Variants in CFAP299 observed in about 807,000 individuals in gnomAD.
CFAP299 encodes cilia- and flagella-associated protein 299.
Under a neutral mutation model 27.0 loss-of-function variants are expected in CFAP299, and 21 were observed. That is an observed-to-expected ratio of 0.78 (90% CI 0.55 to 1.12). The LOEUF (loss-of-function observed/expected upper bound fraction) is 1.12, where lower values mean the gene tolerates loss of function less well. CFAP299 is among the 50% of genes most tolerant of loss of function. The probability of loss-of-function intolerance (pLI) is 0.00; values close to 1 mark genes in which losing one functional copy is unlikely to be tolerated. For synonymous variants in CFAP299, 104 were observed against 98.1 expected, an observed-to-expected ratio of 1.06 and a Z score of -0.36; for missense variants, 310 against 276.6, an observed-to-expected ratio of 1.12 and a Z score of -0.86.
chr4:80,960,522 G>A (rs1460675429), intron 5 of CFAP299, among the ~76,000 whole-genome samples: 1 of 151,746 alleles, frequency 6.6e-6, no homozygotes, highest in Non-Finnish European at 1.5e-5. Context: ...TTGTACAGAG[G>A]TTCTGAGACT....
chr4:80,383,944 G>A (rs1276743845), intron 2 of CFAP299, among the ~76,000 whole-genome samples: 1 of 151,812 alleles, frequency 6.6e-6, no homozygotes, highest in African/African-American at 2.4e-5. Flanking sequence ...ATGTCCACTT[G>A]CTTGGCCTCT....
intron 2 of CFAP299, among the ~76,000 whole-genome samples, chr4:80,460,043 A>G (rs1303263803): frequency 1.3e-5 from 2 of 152,336 alleles, no homozygotes; most frequent in Non-Finnish European, 2.9e-5. Flanking sequence ...TACAGAAAGA[A>G]TAGGGGCTTG....
rs548397388 is a variant in CFAP299, at chr4:80,367,532, C to T, written c.242+4648C>T. ...CTTTTTTCTCCAAAAACTATACCAA[C>T]TAGAGGCACCCATTTCAACATTTAC... On this transcript the variant is annotated intron_variant, in intron 2 of 5. Transcript: ENST00000358105. 5.3e-4 allele frequency among the ~76,000 whole-genome samples: 81 copies of T among 152,216 alleles called. No individual in the cohort carries two copies. The Middle Eastern group carries it at 0.01, about 19-fold the overall frequency.
intron 2 of CFAP299, among the ~76,000 whole-genome samples, chr4:80,486,735 C>A (rs1386104253): frequency 6.6e-6 from 1 of 152,218 alleles, no homozygotes; most frequent in Non-Finnish European, 1.5e-5. Flanking sequence ...ATACATATGA[C>A]CAATGCCTCT....
intron 2 of CFAP299, among the ~76,000 whole-genome samples, chr4:80,542,071 C>G (rs1734020365): frequency 6.6e-6 from 1 of 152,028 alleles, no homozygotes; most frequent in African/African-American, 2.4e-5. Context: ...TCTCTAGTGC[C>G]TTGGCGCATG....
At chr4:80,469,381 T>A (rs1729873206) in intron 2 of CFAP299, among the ~76,000 whole-genome samples, 1 of 152,228 alleles carries the variant, frequency 6.6e-6, no homozygotes, top group Non-Finnish European at 1.5e-5. Flanking sequence ...ATTTAGTATT[T>A]ACTATTTATG....
chr4:80,937,298 C>CA (rs1736940795), intron 4 of CFAP299, among the ~76,000 whole-genome samples: 1 of 94,358 alleles, frequency 1.1e-5, no homozygotes, highest in East Asian at 3.1e-4. Flanking sequence ...TTTCTTTTTT[C>CA]TTTTTTTTTC....
rs560252709 is a variant in CFAP299 at position 80,359,908 on chromosome 4, A to C, written c.112-2846A>C. ...AGGAAAGAAGGCACTCTGGCTTTTT[A>C]AGTTTTCATCATTCTTGTGCTGATT... On this transcript the variant is annotated intron_variant, in intron 1 of 5. Transcript: ENST00000358105. 2.0e-5 allele frequency among the ~76,000 whole-genome samples: 3 copies of C among 152,272 alleles called. No homozygotes were observed. In the South Asian group the frequency reaches 6.2e-4, roughly 32 times the overall value.
At chr4:80,703,847 A>G (rs549391100) in intron 3 of CFAP299, among the ~76,000 whole-genome samples, 3 of 151,794 alleles carry the variant, frequency 2.0e-5, no homozygotes, top group African/African-American at 7.2e-5. Flanking sequence ...GACAATTTCC[A>G]GTCTACTTCT....
intron 2 of CFAP299, among the ~76,000 whole-genome samples, chr4:80,467,034 G>T (rs1473153411): frequency 6.6e-6 from 1 of 152,194 alleles, no homozygotes. Context: ...TGGAGCTATG[G>T]TCTTGAACCT....
At position 80,695,494 on chromosome 4, in the gene CFAP299, C is replaced by T. The variant is rs17004972; in HGVS notation, c.333+112311C>T. On this transcript the variant is annotated intron_variant, in intron 3 of 5. Coordinates refer to ENST00000358105, the MANE Select transcript of CFAP299 (RefSeq NM_152770.3). ...ACTCATCTACATGGAGAATAAGACC[C>T]GAATGGATGTGGGCTTTTGTGTAAA... is the stretch of plus-strand genomic sequence containing the variant. Among the ~76,000 whole-genome samples, 1,372 of 152,184 alleles carry T rather than the reference C, an allele frequency of 9.0e-3. 22 individuals carry two copies. The highest frequency in any genetic ancestry group is 0.03 in the African/African-American group (1,263 of 41,522).
At chr4:80,573,599 T>G (rs900297349) in intron 2 of CFAP299, among the ~76,000 whole-genome samples, 1 of 152,158 alleles carries the variant, frequency 6.6e-6, no homozygotes, top group African/African-American at 2.4e-5. Context: ...GTTTGAGGTC[T>G]TAGATTTAAG....
At chr4:80,435,033 A>G (rs1243866696) in intron 2 of CFAP299, among the ~76,000 whole-genome samples, 2 of 152,240 alleles carry the variant, frequency 1.3e-5, no homozygotes, top group Non-Finnish European at 2.9e-5. Context: ...GGAAAGGAAT[A>G]CAGTTCTGTT....
chr4:80,539,633 G>T (rs191415347), intron 2 of CFAP299, among the ~76,000 whole-genome samples: 92 of 152,254 alleles, frequency 6.0e-4, no homozygotes, highest in Middle Eastern at 3.4e-3. Flanking sequence ...GTTGGAATTT[G>T]TTGGAGAATT....
chr4:80,381,138 CTTATTG>C (rs369085504), intron 2 of CFAP299, among the ~76,000 whole-genome samples: 1 of 152,252 alleles, frequency 6.6e-6, no homozygotes, highest in African/African-American at 2.4e-5. Context: ...ATATCTACTT[CTTATTG>C]TTACTTTTTG....
At chr4:80,670,512 G>T (rs1226837122) in intron 3 of CFAP299, among the ~76,000 whole-genome samples, 3 of 152,192 alleles carry the variant, frequency 2.0e-5, no homozygotes. Context: ...CCCGTAATGG[G>T]ATGGTTGGGT....
intron 2 of CFAP299, among the ~76,000 whole-genome samples, chr4:80,514,962 T>C (rs1732510017): frequency 6.6e-6 from 1 of 152,016 alleles, no homozygotes; most frequent in African/African-American, 2.4e-5. Flanking sequence ...TATTAATGAG[T>C]CACCTCAACC....
chr4:80,915,584 A>AT (rs1235839381), intron 4 of CFAP299, among the ~76,000 whole-genome samples: 3 of 151,432 alleles, frequency 2.0e-5, no homozygotes, highest in East Asian at 1.9e-4. Context: ...TTCTTCAAGC[A>AT]TTTTTTTTCT....
chr4:80,716,969 C>G (rs893820290), intron 3 of CFAP299, among the ~76,000 whole-genome samples: 9 of 152,076 alleles, frequency 5.9e-5, no homozygotes, highest in Admixed American at 2.6e-4. Flanking sequence ...AGAGATGTCT[C>G]TGGCCCTAAA....
Sources: allele counts gnomAD v4.1 joint callset (sites outside exome capture counted in the v4.1 genomes callset), GRCh38; gene constraint gnomAD v4.1.1; transcripts MANE v1.5; gene names NCBI Gene and HGNC (gene_info 2026-07-23, HGNC 2026-07-21).